The following TRHDE variants were observed in gnomAD, a reference collection of about 807,000 sequenced individuals.
TRHDE encodes thyrotropin-releasing hormone-degrading ectoenzyme.
Under a neutral mutation model 125.7 loss-of-function variants are expected in TRHDE, and 72 were observed. That is an observed-to-expected ratio of 0.57 (90% CI 0.47 to 0.70). TRHDE has a LOEUF of 0.70. Among genes scored for constraint, TRHDE ranks in the 30% least tolerant of loss-of-function variants. The pLI, the probability that TRHDE is intolerant of heterozygous loss-of-function variation, is 0.00. For missense variants in TRHDE, 1,110 were observed against 1,327.1 expected (o/e 0.84, Z 2.54); for synonymous variants, 509 against 509.1 (o/e 1.00, Z 0.00).
chr12:72,530,058 G>A (rs1273304561), intron 6 of TRHDE, among the ~76,000 whole-genome samples: 3 of 151,990 alleles, frequency 2.0e-5, no homozygotes, highest in African/African-American at 7.2e-5. Context: ...TGGTCACGTT[G>A]AGCTGTTTCT....
chr12:72,453,374 A>G (rs1198867261), intron 3 of TRHDE, among the ~76,000 whole-genome samples: 1 of 152,188 alleles, frequency 6.6e-6, no homozygotes, highest in Non-Finnish European at 1.5e-5. Flanking sequence ...ATAAATTTCT[A>G]AGCAGCAGTA....
chr12:72,307,157 C>CT (rs1192110840), intron 2 of TRHDE, among the ~76,000 whole-genome samples: 4 of 150,588 alleles, frequency 2.7e-5, no homozygotes, highest in African/African-American at 4.9e-5. Flanking sequence ...ATCTGTCAGA[C>CT]TTTTTTTTTA....
chr12:72,212,873 T>A (rs1592486022), intron 2 of TRHDE, among the ~76,000 whole-genome samples: 2 of 152,118 alleles, frequency 1.3e-5, no homozygotes, highest in Non-Finnish European at 2.9e-5. Context: ...ACACAAGAAC[T>A]TGTACATGAA....
At chr12:72,274,574 A>G (rs1348415218) in intron 1 of TRHDE, 1 of 152,212 alleles carries the variant, frequency 6.6e-6, no homozygotes, top group African/African-American at 2.4e-5. Flanking sequence ...CAATCCGACA[A>G]GAACCCTATG....
intron 6 of TRHDE, among the ~76,000 whole-genome samples, chr12:72,525,601 TTGTGTGTGTGTGTGTG>T (rs3081972): frequency 1.6e-5 from 2 of 127,664 alleles, no homozygotes; most frequent in Admixed American, 1.6e-4. Flanking sequence ...TGTGTGTGGT[TTGTGTGTGTGTGTGTG>T]TGTGTGTGTG....
At chr12:72,551,627 T>G (rs1273948699) in intron 7 of TRHDE, among the ~76,000 whole-genome samples, 1 of 152,104 alleles carries the variant, frequency 6.6e-6, no homozygotes, top group Non-Finnish European at 1.5e-5. Flanking sequence ...TTATTATGCA[T>G]CTAGTCTATG....
intron 3 of TRHDE, among the ~76,000 whole-genome samples, chr12:72,430,321 G>GTATATATATGTATA (rs1325464830): frequency 7.0e-6 from 1 of 143,438 alleles, no homozygotes; most frequent in African/African-American, 2.6e-5. Flanking sequence ...ATATATACAT[G>GTATATATATGTATA]TATACATATA....
chr12:72,510,440 T>A (rs1878536911), intron 6 of TRHDE, among the ~76,000 whole-genome samples: 1 of 152,164 alleles, frequency 6.6e-6, no homozygotes, highest in African/African-American at 2.4e-5. Context: ...ATCCACTTAT[T>A]TAATCTCCCA....
chr12:72,534,162 C>T (rs1868725382), intron 6 of TRHDE, among the ~76,000 whole-genome samples: 1 of 152,068 alleles, frequency 6.6e-6, no homozygotes, highest in African/African-American at 2.4e-5. Context: ...ACAGATATGC[C>T]AACGGTTAGT....
chr12:72,337,959 C>A (rs541128628), intron 2 of TRHDE, among the ~76,000 whole-genome samples: 1 of 151,310 alleles, frequency 6.6e-6, no homozygotes, highest in Non-Finnish European at 1.5e-5. Flanking sequence ...AAAAATCTAT[C>A]GGCAAAATCA....
At chr12:72,644,306 GCAT>G (rs1874190294) in intron 15 of TRHDE, among the ~76,000 whole-genome samples, 1 of 152,160 alleles carries the variant, frequency 6.6e-6, no homozygotes, top group Non-Finnish European at 1.5e-5. Flanking sequence ...GTAGGTTCAT[GCAT>G]CGAGTATCTT....
rs1875211175 is a variant in TRHDE at position 72,670,003 on chromosome 12, T to C, written c.*6808T>C. The C allele has an allele frequency of 6.6e-6, 1 of 151,772 alleles. No homozygotes were observed. The highest frequency in any genetic ancestry group is 2.1e-4 in the South Asian group (1 of 4,836). 9.4% of individuals were successfully genotyped at this position (151,772 alleles called of 1,614,324 possible). ...GAGAAATTCTATCTTTGAGCTTTCATAATTGGCTTTCTGGACACCACTGAG... is the reference window on the plus strand; with the variant it reads ...GAGAAATTCTATCTTTGAGCTTTCACAATTGGCTTTCTGGACACCACTGAG... On this transcript the variant is annotated 3_prime_UTR_variant, in exon 19 of 19. Coordinates refer to ENST00000261180, the MANE Select transcript of TRHDE (RefSeq NM_013381.3).
intron 6 of TRHDE, among the ~76,000 whole-genome samples, chr12:72,517,766 T>C (rs1474349318): frequency 1.3e-5 from 2 of 151,516 alleles, no homozygotes; most frequent in African/African-American, 4.8e-5. Flanking sequence ...TTTCCTGCTT[T>C]CTCTTGTGGG....
At chr12:72,198,349 G>C (rs1377222649) in intron 2 of TRHDE, among the ~76,000 whole-genome samples, 1 of 151,810 alleles carries the variant, frequency 6.6e-6, no homozygotes, top group Non-Finnish European at 1.5e-5. Context: ...TTATCTGCTT[G>C]TTCCTTTTTT....
At chr12:72,384,241 T>C (rs576373867) in intron 3 of TRHDE, among the ~76,000 whole-genome samples, 2 of 152,176 alleles carry the variant, frequency 1.3e-5, no homozygotes, top group East Asian at 3.9e-4. Flanking sequence ...CAAAAAGGAG[T>C]TTGATTGCTT....
intron 2 of TRHDE, among the ~76,000 whole-genome samples, chr12:72,166,525 C>T (rs138610846): frequency 1.6e-4 from 25 of 152,262 alleles, no homozygotes; most frequent in African/African-American, 5.8e-4. Flanking sequence ...AGCTATTTCT[C>T]ATGAATTTGG....
At chr12:72,171,546 G>C (rs1876874393) in intron 2 of TRHDE, among the ~76,000 whole-genome samples, 1 of 152,164 alleles carries the variant, frequency 6.6e-6, no homozygotes, top group Admixed American at 6.5e-5. Context: ...AGTATAGCCT[G>C]GTATGAAAGA....
chr12:72,269,535 A>T (rs1169978387), upstream of TRHDE, among the ~76,000 whole-genome samples: 1 of 152,196 alleles, frequency 6.6e-6, no homozygotes, highest in Admixed American at 6.6e-5. Flanking sequence ...ACATAAACAC[A>T]TTAGTGAAAT....
intron 2 of TRHDE, among the ~76,000 whole-genome samples, chr12:72,368,804 C>A (rs2135760552): frequency 6.6e-6 from 1 of 152,250 alleles, no homozygotes; most frequent in African/African-American, 2.4e-5. Flanking sequence ...TCAAATCTAT[C>A]TGAAGTTCTC....
Sources: allele counts gnomAD v4.1 joint callset (sites outside exome capture counted in the v4.1 genomes callset), GRCh38; gene constraint gnomAD v4.1.1; transcripts MANE v1.5; gene names NCBI Gene and HGNC (gene_info 2026-07-23, HGNC 2026-07-21).